Variants in CADPS observed in about 807,000 individuals in gnomAD.
The protein encoded by CADPS is calcium dependent secretion activator.
A neutral mutation model predicts 167.3 loss-of-function variants in CADPS; 57 were observed. That is an observed-to-expected ratio of 0.34 (90% CI 0.28 to 0.42). The LOEUF (loss-of-function observed/expected upper bound fraction) is 0.42, where lower values mean the gene tolerates loss of function less well. Ranked by LOEUF, CADPS falls within the 20% of genes least tolerant of loss-of-function variation. The probability of loss-of-function intolerance (pLI) is 1.00; values close to 1 mark genes in which losing one functional copy is unlikely to be tolerated. For missense variants in CADPS, 1,414 were observed against 1,738.1 expected (o/e 0.81, Z 3.32); for synonymous variants, 676 against 635.3 (o/e 1.06, Z -0.96).
intron 6 of CADPS, among the ~76,000 whole-genome samples, chr3:62,632,803 C>T (rs1408867743): frequency 6.6e-6 from 1 of 151,952 alleles, no homozygotes; most frequent in African/African-American, 2.4e-5. Context: ...GTCAATGTCA[C>T]CCTAATGTCA....
intron 1 of CADPS, among the ~76,000 whole-genome samples, chr3:62,818,624 G>A (rs1409269576): frequency 3.9e-5 from 6 of 152,112 alleles, no homozygotes; most frequent in African/African-American, 1.2e-4. Context: ...TTTGCATAAC[G>A]GTTTGGCAGA....
chr3:62,463,658 A>C (rs948978599), intron 26 of CADPS, among the ~76,000 whole-genome samples: 30 of 152,246 alleles, frequency 2.0e-4, no homozygotes, highest in African/African-American at 7.0e-4. Context: ...CACTCTGCCC[A>C]TTGCTGTGTG....
In CADPS at chr3:62,524,629, T is replaced by C. The variant is rs555612888; in HGVS notation, c.2292-6379A>G. On this transcript the variant is annotated intron_variant, in intron 13 of 29. Transcript: ENST00000383710. ...TACAGTTCTCCTAAATATGTGGTTA[T>C]AACCTAACAGTATCAGAAGGTGTCA... 3.9e-5 allele frequency among the ~76,000 whole-genome samples: 6 copies of C among 152,302 alleles called. No homozygotes were observed. The South Asian group carries it at 1.2e-3, about 32-fold the overall frequency.
intron 23 of CADPS, among the ~76,000 whole-genome samples, chr3:62,476,451 C>A (rs994331640): frequency 1.3e-5 from 2 of 152,144 alleles, no homozygotes; most frequent in African/African-American, 4.8e-5. Flanking sequence ...TCCAGGCCAG[C>A]CATACATGTG....
intron 1 of CADPS, among the ~76,000 whole-genome samples, chr3:62,777,572 C>T (rs1348086045): frequency 6.6e-6 from 1 of 152,130 alleles, no homozygotes; most frequent in Non-Finnish European, 1.5e-5. Context: ...TCTGTATTGG[C>T]TCATCAACTG....
intron 7 of CADPS, among the ~76,000 whole-genome samples, chr3:62,586,487 G>C (rs1262940138): frequency 1.3e-5 from 2 of 152,092 alleles, no homozygotes; most frequent in African/African-American, 4.8e-5. Flanking sequence ...ACTGCTGAGA[G>C]GAGGAGGAGG....
intron 1 of CADPS, among the ~76,000 whole-genome samples, chr3:62,846,076 TC>T (rs2077383012): frequency 1.3e-5 from 2 of 151,964 alleles, no homozygotes; most frequent in South Asian, 2.1e-4. Flanking sequence ...TCTCTCTCTC[TC>T]TCTCTCCTGC....
intron 3 of CADPS, among the ~76,000 whole-genome samples, chr3:62,721,118 G>GTTTTTTTTTTTGTT (rs2075715575): frequency 8.3e-6 from 1 of 120,354 alleles, no homozygotes; most frequent in African/African-American, 3.4e-5. Flanking sequence ...TGCCCGGCAG[G>GTTTTTTTTTTTGTT]TTTTTTTTTT....
chr3:62,848,915 T>C (rs2078005422), intron 1 of CADPS, among the ~76,000 whole-genome samples: 1 of 123,016 alleles, frequency 8.1e-6, no homozygotes, highest in Non-Finnish European at 1.7e-5. Flanking sequence ...CCCATGAGCA[T>C]GGAATGTTCT....
In CADPS at chr3:62,846,650, T is replaced by G. The variant is rs570837310; in HGVS notation, c.441+27939A>C. On this transcript the variant is annotated intron_variant, in intron 1 of 29. Coordinates refer to ENST00000383710, the MANE Select transcript of CADPS (RefSeq NM_003716.4). The stretch of plus-strand genomic sequence containing the variant: ...CAAAGATTGGGTCTTTTTTTGTTTG[T>G]TTTTTGGTATTTTTTTGTTTTGCTT... Among the ~76,000 whole-genome samples the G allele has an allele frequency of 2.0e-5, 3 of 152,086 alleles. 1 individual carries two copies. Among genetic ancestry groups the G allele is most frequent in the Admixed American group, 1.3e-4 (2 of 15,266 alleles).
intron 28 of CADPS, among the ~76,000 whole-genome samples, chr3:62,434,385 G>A (rs1354885878): frequency 6.6e-6 from 1 of 152,016 alleles, no homozygotes; most frequent in African/African-American, 2.4e-5. Context: ...TTTTTCTTAG[G>A]TGCGTTATCA....
At chr3:62,797,539 T>C (rs1237026196) in intron 1 of CADPS, among the ~76,000 whole-genome samples, 1 of 152,176 alleles carries the variant, frequency 6.6e-6, no homozygotes, top group Non-Finnish European at 1.5e-5. Context: ...CTGGAGGCCA[T>C]TAGCCTTAGC....
At chr3:62,728,106 C>T (rs952367537) in intron 3 of CADPS, among the ~76,000 whole-genome samples, 1 of 151,766 alleles carries the variant, frequency 6.6e-6, no homozygotes, top group South Asian at 2.1e-4. Flanking sequence ...AAGTCGCTGT[C>T]CCAGGTCAAA....
chr3:62,671,549 G>A (rs954533766), intron 3 of CADPS, among the ~76,000 whole-genome samples: 2 of 152,078 alleles, frequency 1.3e-5, no homozygotes, highest in Non-Finnish European at 2.9e-5. Flanking sequence ...TCTATGCTGT[G>A]TATCCACTTC....
chr3:62,415,777 A>G (rs1382825059), intron 28 of CADPS, among the ~76,000 whole-genome samples: 1 of 152,154 alleles, frequency 6.6e-6, no homozygotes, highest in Non-Finnish European at 1.5e-5. Context: ...CTGTGCTTGC[A>G]ATTAGCAATA....
chr3:62,592,385 T>G (rs2086250771), intron 7 of CADPS, among the ~76,000 whole-genome samples: 1 of 152,138 alleles, frequency 6.6e-6, no homozygotes, highest in Non-Finnish European at 1.5e-5. Flanking sequence ...CTGATAGTAT[T>G]GAGAACTCCT....
At position 62,547,594 on chromosome 3, in the gene CADPS, C is replaced by T. The variant is rs914427495; in HGVS notation, c.1966+2309G>A. 3.4e-4 allele frequency among the ~76,000 whole-genome samples: 38 copies of T among 110,470 alleles called. 8 individuals are homozygous for T. Among genetic ancestry groups the T allele is most frequent in the Non-Finnish European group, 5.9e-4 (31 of 52,564 alleles). The allele number at this position is 110,470 out of a possible 152,430, so 72.5% of individuals were successfully genotyped here. ...GGGATGATATCATTTACGCCCCCCC[C>T]CCCCCGCAAATTCTAACTCTTAGGA... On this transcript the variant is annotated intron_variant, in intron 11 of 29. Transcript: ENST00000383710.
intron 6 of CADPS, among the ~76,000 whole-genome samples, chr3:62,595,985 T>A (rs1354237404): frequency 4.6e-5 from 7 of 152,084 alleles, no homozygotes; most frequent in Non-Finnish European, 7.4e-5. Flanking sequence ...GTTTTGGGAC[T>A]CAGACTGGCT....
chr3:62,686,744 GT>G (rs1375118920), intron 3 of CADPS, among the ~76,000 whole-genome samples: 2 of 152,002 alleles, frequency 1.3e-5, no homozygotes, highest in Non-Finnish European at 2.9e-5. Context: ...CTCATAATAA[GT>G]AAAGCCCAAC....
Sources: gnomAD v4.1 joint callset for allele counts (sites outside exome capture counted in the v4.1 genomes callset) on GRCh38, gnomAD v4.1.1 for gene constraint, MANE v1.5 for transcripts, NCBI Gene and HGNC (gene_info 2026-07-23, HGNC 2026-07-21) for gene names.